The following LINGO2 variants were observed in gnomAD, a reference collection of about 807,000 sequenced individuals.
LINGO2 encodes the protein leucine rich repeat and Ig domain containing 2.
Under a neutral mutation model 30.6 loss-of-function variants are expected in LINGO2, and 14 were observed. The ratio of observed to expected loss-of-function variants is 0.46; its 90% CI spans 0.30 to 0.72. LINGO2 has a LOEUF of 0.72. LINGO2 is among the 30% of genes least tolerant of loss of function. LINGO2 has a pLI of 0.07. For synonymous variants in LINGO2, 317 were observed against 288.5 expected (o/e 1.10, Z -1.00); for missense variants, 729 against 751.7 (o/e 0.97, Z 0.35).
chr9:28,395,430 G>A (rs769162205), intron 2 of LINGO2, among the ~76,000 whole-genome samples: 14 of 152,122 alleles, frequency 9.2e-5, no homozygotes, highest in East Asian at 1.9e-4. Context: ...GTATGTATTC[G>A]TTGCCAAGAA....
intron 3 of LINGO2, among the ~76,000 whole-genome samples, chr9:28,314,243 T>C (rs1824750844): frequency 1.3e-5 from 2 of 152,138 alleles, no homozygotes; most frequent in Admixed American, 6.5e-5. Flanking sequence ...CGAGAATTGA[T>C]TTTTGATCTT....
chr9:28,629,904 C>T lies in LINGO2; in HGVS notation c.-365+40296G>A, dbSNP rs1210705904. ...TTCATCTAGCATTAGGTATATCTCC[C>T]GATGCTATCCCTCCCCCATCCCCCG... On this transcript the variant is annotated intron_variant, in intron 1 of 5. Coordinates refer to ENST00000379992, the Ensembl canonical transcript of LINGO2. Among the ~76,000 whole-genome samples the T allele has an allele frequency of 3.3e-5, 5 of 151,810 alleles. No homozygotes were observed. The East Asian group carries it at 9.7e-4, about 29-fold the overall frequency.
chr9:28,443,471 T>G (rs1824280050), intron 2 of LINGO2, among the ~76,000 whole-genome samples: 1 of 152,182 alleles, frequency 6.6e-6, no homozygotes, highest in African/African-American at 2.4e-5. Flanking sequence ...GGCTCTAGAC[T>G]CACGCATCCT....
chr9:29,095,267 A>G, the LINGO2 span, among the ~76,000 whole-genome samples: 1 of 139,030 alleles, frequency 7.2e-6, no homozygotes, highest in African/African-American at 2.7e-5. Flanking sequence ...GAGAATAATC[A>G]AAGATAATTC....
At chr9:28,710,175 T>C in the LINGO2 span, among the ~76,000 whole-genome samples, 1 of 151,674 alleles carries the variant, frequency 6.6e-6, no homozygotes, top group African/African-American at 2.4e-5. Context: ...GTGAAATTAG[T>C]ATGCTCATAA....
At chr9:28,983,886 ACACTGATATACCTTGCTCCTCAG>A in the LINGO2 span, among the ~76,000 whole-genome samples, 1 of 152,006 alleles carries the variant, frequency 6.6e-6, no homozygotes, top group South Asian at 2.1e-4. Flanking sequence ...ATAGCACCAT[ACACTGATATACCTTGCTCCTCAG>A]TCTATCATCC....
At chr9:28,485,530 G>T (rs1564233236) in intron 1 of LINGO2, among the ~76,000 whole-genome samples, 1 of 152,070 alleles carries the variant, frequency 6.6e-6, no homozygotes, top group Non-Finnish European at 1.5e-5. Flanking sequence ...CTGAAGAGAT[G>T]AAAAATACCT....
chr9:27,956,910 G>A (rs1421121631), intron 5 of LINGO2, among the ~76,000 whole-genome samples: 1 of 151,966 alleles, frequency 6.6e-6, no homozygotes, highest in Non-Finnish European at 1.5e-5. Context: ...CTGGGCAACA[G>A]AGCAAGATCT....
the LINGO2 span, among the ~76,000 whole-genome samples, chr9:28,818,633 G>T: frequency 6.6e-6 from 1 of 152,252 alleles, no homozygotes; most frequent in East Asian, 1.9e-4. Context: ...TGATCCACCT[G>T]CCTCAGCCTC....
At chr9:29,078,133 ATT>A in the LINGO2 span, among the ~76,000 whole-genome samples, 19 of 152,106 alleles carry the variant, frequency 1.2e-4, no homozygotes, top group South Asian at 3.5e-3. Context: ...TTTTACCAAT[ATT>A]TAAGGAGCAA....
intron 4 of LINGO2, among the ~76,000 whole-genome samples, chr9:28,022,346 T>C (rs1377188917): frequency 6.6e-6 from 1 of 152,212 alleles, no homozygotes; most frequent in African/African-American, 2.4e-5. Context: ...AGTTCTTTTA[T>C]ATCAATTAAG....
intron 3 of LINGO2, among the ~76,000 whole-genome samples, chr9:28,334,062 G>C (rs1195065022): frequency 6.6e-6 from 1 of 152,142 alleles, no homozygotes; most frequent in Non-Finnish European, 1.5e-5. Flanking sequence ...TTGTGCTGCA[G>C]TTTGCTTCTT....
At chr9:28,732,728 A>G in the LINGO2 span, among the ~76,000 whole-genome samples, 1 of 152,346 alleles carries the variant, frequency 6.6e-6, no homozygotes, top group African/African-American at 2.4e-5. Context: ...TGCCCAGTGC[A>G]TTGTAACCAT....
the LINGO2 span, among the ~76,000 whole-genome samples, chr9:28,711,406 T>C: frequency 6.6e-6 from 1 of 152,090 alleles, no homozygotes; most frequent in Admixed American, 6.6e-5. Context: ...ATGTCATATT[T>C]TAAATAAAGT....
chr9:28,627,047 G>C (rs1214919428), intron 1 of LINGO2, among the ~76,000 whole-genome samples: 5 of 151,484 alleles, frequency 3.3e-5, no homozygotes, highest in African/African-American at 1.2e-4. Context: ...GGTTGTTTTT[G>C]AGTTTGTGTA....
At chr9:28,878,198 T>C in the LINGO2 span, among the ~76,000 whole-genome samples, 1 of 152,222 alleles carries the variant, frequency 6.6e-6, no homozygotes, top group South Asian at 2.1e-4. Context: ...CATCAGAGAA[T>C]ACTACAAACA....
intron 4 of LINGO2, among the ~76,000 whole-genome samples, chr9:28,248,509 C>T (rs1319424330): frequency 6.6e-6 from 1 of 151,980 alleles, no homozygotes; most frequent in African/African-American, 2.4e-5. Flanking sequence ...TGTTGACGGG[C>T]ACAAAACAAA....
intron 3 of LINGO2, among the ~76,000 whole-genome samples, chr9:28,339,704 T>A (rs1019783370): frequency 6.6e-6 from 1 of 152,184 alleles, no homozygotes; most frequent in African/African-American, 2.4e-5. Context: ...TTAATTATCA[T>A]AATGAAATCT....
At chr9:29,035,427 CA>C in the LINGO2 span, among the ~76,000 whole-genome samples, 3 of 151,644 alleles carry the variant, frequency 2.0e-5, no homozygotes, top group Non-Finnish European at 4.4e-5. Context: ...GAACAAAAAA[CA>C]AAAAAACTTT....
Sources: allele counts gnomAD v4.1 joint callset (sites outside exome capture counted in the v4.1 genomes callset), GRCh38; gene constraint gnomAD v4.1.1; transcripts MANE v1.5; gene names NCBI Gene and HGNC (gene_info 2026-07-23, HGNC 2026-07-21).